Variants in MYO5A observed in about 807,000 individuals in gnomAD.
MYO5A encodes the protein myosin VA, also known as unconventional myosin-Va.
A neutral mutation model predicts 249.7 loss-of-function variants in MYO5A; 98 were observed. The ratio of observed to expected loss-of-function variants is 0.39; its 90% CI spans 0.33 to 0.46. The LOEUF (loss-of-function observed/expected upper bound fraction) is 0.46, where lower values mean the gene tolerates loss of function less well. MYO5A is among the 20% of genes least tolerant of loss of function. MYO5A has a pLI of 0.98. For missense variants in MYO5A, 1,696 were observed against 2,308.8 expected, an observed-to-expected ratio of 0.73 and a Z score of 5.44; for synonymous variants, 778 against 810.6, an observed-to-expected ratio of 0.96 and a Z score of 0.68.
rs926067672 is a variant in MYO5A, at chr15:52,317,314, T to A, written c.5235-92A>T. The A allele has an allele frequency of 2.4e-6, 3 of 1,270,284 alleles. No homozygotes were observed. The African/African-American group carries it at 4.4e-5, about 19-fold the overall frequency. The allele number at this position is 1,270,284 out of a possible 1,614,324, so 78.7% of individuals were successfully genotyped here. On this transcript the variant is annotated intron_variant, in intron 39 of 41. Coordinates refer to ENST00000399233, the MANE Select transcript of MYO5A (RefSeq NM_001382347.1). ...TTGTGTGCGGCCTTGTCAGGATTTATGTTAAAATGACAGGCAGTATTTTTG... is the reference window on the plus strand; with the variant it reads ...TTGTGTGCGGCCTTGTCAGGATTTAAGTTAAAATGACAGGCAGTATTTTTG...
intron 25 of MYO5A, among the ~76,000 whole-genome samples, chr15:52,359,313 A>T (rs1051469180): frequency 6.6e-6 from 1 of 152,222 alleles, no homozygotes; most frequent in Non-Finnish European, 1.5e-5. Context: ...AAACTATATC[A>T]TATTTTAAAA....
At chr15:52,403,480 T>C (rs2042850751) in intron 9 of MYO5A, among the ~76,000 whole-genome samples, 1 of 152,224 alleles carries the variant, frequency 6.6e-6, no homozygotes, top group Non-Finnish European at 1.5e-5. Flanking sequence ...TCCATTTATA[T>C]GAAATGTCCA....
chr15:52,505,063 A>G, intron 1 of MYO5A: 2 of 537,788 alleles, frequency 3.7e-6, no homozygotes, highest in Non-Finnish European at 6.7e-6. Context: ...GGAGGTAGGA[A>G]TTTAAGACAG....
In MYO5A at chr15:52,387,897, C is replaced by T. The variant is rs367622825; in HGVS notation, c.1684G>A (p.Glu562Lys). 28 of 1,611,390 alleles carry T rather than the reference C, an allele frequency of 1.7e-5. No individual in the cohort carries two copies. Among genetic ancestry groups the T allele is most frequent in the Non-Finnish European group, 2.2e-5 (26 of 1,178,394 alleles). The stretch of plus-strand genomic sequence containing the variant: ...TCTTTATTCTTTTCGAGAAATCCTT[C>T]ACACTGGTATTCCACCTGAAAACAC... ...HFADKVEYQC[E>K]GFLEKNKDTV... The change falls in exon 14 of 42, where the codon GAA (glutamate) becomes AAA (lysine). Residue 562 changes from glutamate to lysine, a missense_variant. Transcript: ENST00000399233.
rs767265712 is a variant in MYO5A, at chr15:52,313,844, C to T, written c.5495G>A (p.Arg1832His). ...GGGAGAGTCTTTCCTGTCTCGTAAACGCATCTGAGAAGATTAGGAAAAAAA... is the reference window on the plus strand; with the variant it reads ...GGGAGAGTCTTTCCTGTCTCGTAAATGCATCTGAGAAGATTAGGAAAAAAA... ...SVSFIRTIQM[R>H]LRDRKDSPQL... Residue 1832 changes from arginine to histidine, a missense_variant, in exon 42 of 42, where the codon CGT (arginine) becomes CAT (histidine). Coordinates refer to ENST00000399233, the MANE Select transcript of MYO5A (RefSeq NM_001382347.1). The T allele has an allele frequency of 1.1e-5, 17 of 1,613,862 alleles. No individual in the cohort carries two copies. Among genetic ancestry groups the T allele is most frequent in the Middle Eastern group, 1.7e-4 (1 of 6,028 alleles).
Position 52,330,443 on chromosome 15 carries a change from C to G in MYO5A, c.4465G>C (p.Val1489Leu), listed in dbSNP as rs1157598301. 1.9e-6 allele frequency: 3 copies of G among 1,614,060 alleles called. No individual in the cohort carries two copies. Among genetic ancestry groups the G allele is most frequent in the Non-Finnish European group, 2.5e-6 (3 of 1,179,982 alleles). The change falls in exon 35 of 42, where the codon GTC (valine) becomes CTC (leucine). Residue 1489 changes from valine (V) to leucine (L), a missense_variant. Val to Leu is a conservative substitution (Grantham distance 32). Transcript: ENST00000399233. ...TCCTTTTCTTTCCTGGGAATGTTGA[C>G]TGGTCGGATGGGTTCATCAATGATC... Reference protein sequence around the residue: ...GQIIDEPIRPVNIPRKEKDFQ... With the variant: ...GQIIDEPIRPLNIPRKEKDFQ...
intron 3 of MYO5A, among the ~76,000 whole-genome samples, chr15:52,427,119 A>G (rs1244151764): frequency 6.6e-6 from 1 of 151,386 alleles, no homozygotes; most frequent in Non-Finnish European, 1.5e-5. Context: ...TTCAGTGGTG[A>G]GTTACATATA....
In MYO5A at chr15:52,313,440, A is replaced by C. The variant is rs984224946; in HGVS notation, c.*256T>G. 2.1e-6 allele frequency: 1 copy of C among 469,510 alleles called. No homozygotes were observed. Among genetic ancestry groups the C allele is most frequent in the African/African-American group, 2.0e-5 (1 of 50,814 alleles). The allele number at this position is 469,510 out of a possible 1,614,324, so 29.1% of individuals were successfully genotyped here. The stretch of plus-strand genomic sequence containing the variant: ...CTTTCCTTCCTCCCTTCCTTCCATC[A>C]TTCTCCTGTATGTAAACTCACGGTA... On this transcript the variant is annotated 3_prime_UTR_variant, in exon 42 of 42. Coordinates refer to ENST00000399233, the MANE Select transcript of MYO5A (RefSeq NM_001382347.1).
intron 1 of MYO5A, among the ~76,000 whole-genome samples, chr15:52,484,463 T>G (rs570460148): frequency 3.3e-5 from 5 of 152,274 alleles, no homozygotes; most frequent in African/African-American, 1.2e-4. Flanking sequence ...GAAGATGAAA[T>G]CAACACTAAC....
chr15:52,472,586 C>T (rs1006492222), intron 1 of MYO5A, among the ~76,000 whole-genome samples: 5 of 152,116 alleles, frequency 3.3e-5, no homozygotes, highest in Admixed American at 1.3e-4. Flanking sequence ...TGTACCCCAT[C>T]CTGTGTCCCT....
chr15:52,513,683 G>A (rs1325500050), intron 1 of MYO5A, among the ~76,000 whole-genome samples: 5 of 151,634 alleles, frequency 3.3e-5, no homozygotes, highest in African/African-American at 4.8e-5. Context: ...CACCCACCTC[G>A]GCCTCCCAAA....
chr15:52,372,172 G>A lies in MYO5A; in HGVS notation c.2769C>T (p.Ile923=), dbSNP rs373612988. 2.4e-5 allele frequency: 39 copies of A among 1,613,490 alleles called. No individual in the cohort carries two copies. The highest frequency in any genetic ancestry group is 1.8e-4 in the Middle Eastern group (1 of 5,712). Residue 923 remains isoleucine, a synonymous_variant, in exon 21 of 42, where the codon ATC becomes ATT. Coordinates refer to ENST00000399233, the MANE Select transcript of MYO5A (RefSeq NM_001382347.1). ...GCTGCATGATCTTGTTCTCCATGCC[G>A]ATGTGCAGCTTCTTATAGCGCTCCA... is the stretch of plus-strand genomic sequence containing the variant. The part of the protein sequence containing the change: ...RSVERYKKLH[I]GMENKIMQLQ...
intron 36 of MYO5A, among the ~76,000 whole-genome samples, chr15:52,324,788 G>A (rs532846650): frequency 5.7e-4 from 86 of 151,756 alleles, no homozygotes; most frequent in South Asian, 1.9e-3. Context: ...AGTACAAAAC[G>A]CCCTTAAATT....
At chr15:52,513,698 A>G (rs1334606115) in intron 1 of MYO5A, among the ~76,000 whole-genome samples, 2 of 151,760 alleles carry the variant, frequency 1.3e-5, no homozygotes, top group Non-Finnish European at 2.9e-5. Flanking sequence ...CCCAAAGTGC[A>G]GGGATTATAG....
In MYO5A at chr15:52,309,897, G is replaced by T. The variant is rs535697607; in HGVS notation, c.*3799C>A. Reference sequence around the variant, plus strand: ...GTAAGAGAGAAAGGGCATTGTGTGAGGACTTCTCAGGATGGTGGCAGGTGC... The same window carrying T: ...GTAAGAGAGAAAGGGCATTGTGTGATGACTTCTCAGGATGGTGGCAGGTGC... On this transcript the variant is annotated 3_prime_UTR_variant, in exon 42 of 42. Coordinates refer to ENST00000399233, the MANE Select transcript of MYO5A (RefSeq NM_001382347.1). 1 of 152,074 alleles carries T rather than the reference G, an allele frequency of 6.6e-6. No homozygotes were observed. Among genetic ancestry groups the T allele is most frequent in the African/African-American group, 2.4e-5 (1 of 41,480 alleles). The allele number at this position is 152,074 out of a possible 1,614,324, so 9.4% of individuals were successfully genotyped here.
chr15:52,441,198 G>GA (rs34989926), intron 1 of MYO5A, among the ~76,000 whole-genome samples: 8 of 151,998 alleles, frequency 5.3e-5, no homozygotes, highest in Non-Finnish European at 1.2e-4. Context: ...GAGCTCCCCA[G>GA]AAAAAAGGAA....
At chr15:52,512,713 G>A (rs1014387656) in intron 1 of MYO5A, among the ~76,000 whole-genome samples, 3 of 152,134 alleles carry the variant, frequency 2.0e-5, no homozygotes, top group African/African-American at 7.2e-5. Context: ...GTAATTTTGT[G>A]AGTGATTTCC....
At chr15:52,343,994 C>T (rs1373273112) in intron 30 of MYO5A, among the ~76,000 whole-genome samples, 1 of 152,104 alleles carries the variant, frequency 6.6e-6, no homozygotes, top group Non-Finnish European at 1.5e-5. Flanking sequence ...AGTCATTTGC[C>T]ACATTGCAGA....
At chr15:52,489,575 A>C (rs994332216) in intron 1 of MYO5A, among the ~76,000 whole-genome samples, 50 of 152,272 alleles carry the variant, frequency 3.3e-4, no homozygotes, top group African/African-American at 1.2e-3. Flanking sequence ...AAAAAAAAAA[A>C]AAACCAACCT....
Sources: allele counts gnomAD v4.1 joint callset (sites outside exome capture counted in the v4.1 genomes callset), GRCh38; gene constraint gnomAD v4.1.1; transcripts MANE v1.5; gene names NCBI Gene and HGNC (gene_info 2026-07-23, HGNC 2026-07-21).